Variants in CTNNA3 observed in about 807,000 individuals in gnomAD.
The protein encoded by CTNNA3 is catenin alpha-3.
Under a neutral mutation model 95.7 loss-of-function variants are expected in CTNNA3, and 76 were observed. The observed-to-expected ratio is 0.79, with a 90% CI of 0.66 to 0.96. The LOEUF is 0.96. CTNNA3 is among the 40% of genes least tolerant of loss of function. CTNNA3 has a pLI of 0.00. For missense variants in CTNNA3, 1,191 were observed against 1,089.8 expected (o/e 1.09, Z -1.31); for synonymous variants, 431 against 374.4 (o/e 1.15, Z -1.74).
In CTNNA3 at chr10:67,188,978, G is replaced by A. The variant is rs1030102586; in HGVS notation, c.844-8458C>T. Among the ~76,000 whole-genome samples, 22 of 152,040 alleles carry A rather than the reference G, an allele frequency of 1.4e-4. No homozygotes were observed. The South Asian group carries it at 1.7e-3, about 12-fold the overall frequency. On this transcript the variant is annotated intron_variant, in intron 6 of 17. Coordinates refer to ENST00000433211, the MANE Select transcript of CTNNA3 (RefSeq NM_013266.4). ...CAAAACATACAAAAATTAGCCAGGC[G>A]TGGTGGCGCATGCCTGTAGTTCCAG...
intron 11 of CTNNA3, among the ~76,000 whole-genome samples, chr10:66,466,350 A>ACACACG (rs1186324770): frequency 2.7e-5 from 4 of 149,900 alleles, no homozygotes; most frequent in Admixed American, 2.7e-4. Flanking sequence ...ACACACACAC[A>ACACACG]CACACACACA....
rs369033938 is a variant in CTNNA3 at position 66,379,256 on chromosome 10, C to T, written c.1628G>A (p.Arg543Gln). 60 of 1,613,998 alleles carry T rather than the reference C, an allele frequency of 3.7e-5. No individual in the cohort carries two copies. The highest frequency in any genetic ancestry group is 1.6e-4 in the African/African-American group (12 of 74,934). ...LDRAAGAIRGRAARVAHIVTG... is the reference protein window; with the variant it reads ...LDRAAGAIRGQAARVAHIVTG... ...GACGATGTGAGCAACTCTTGCTGCC[C>T]GGCCTCTGATAGCACCCGCAGCACG... Residue 543 changes from arginine (R) to glutamine (Q), a missense_variant, in exon 12 of 18, where the codon CGG becomes CAG. Coordinates refer to ENST00000433211, the MANE Select transcript of CTNNA3 (RefSeq NM_013266.4).
intron 11 of CTNNA3, among the ~76,000 whole-genome samples, chr10:66,466,420 C>G (rs1427305768): frequency 6.6e-6 from 1 of 151,464 alleles, no homozygotes; most frequent in African/African-American, 2.4e-5. Context: ...AATATACTTT[C>G]ATCCCTGCAA....
intron 10 of CTNNA3, among the ~76,000 whole-genome samples, chr10:66,552,319 G>T (rs914987908): frequency 1.3e-5 from 2 of 152,244 alleles, no homozygotes; most frequent in South Asian, 2.1e-4. Flanking sequence ...TTGTATTGGA[G>T]TTTTAGCCAA....
chr10:66,930,220 G>C (rs1847298117), intron 7 of CTNNA3, among the ~76,000 whole-genome samples: 1 of 152,118 alleles, frequency 6.6e-6, no homozygotes, highest in African/African-American at 2.4e-5. Flanking sequence ...CTTTGATATT[G>C]ATTAAATCTT....
intron 1 of CTNNA3, among the ~76,000 whole-genome samples, chr10:67,692,763 T>G (rs1473409732): frequency 1.5e-5 from 2 of 133,260 alleles, no homozygotes; most frequent in Admixed American, 7.2e-5. Context: ...AAAAAAGTCT[T>G]GCTACAAAGT....
chr10:66,323,939 G>C (rs1047050634), intron 12 of CTNNA3, among the ~76,000 whole-genome samples: 1 of 151,976 alleles, frequency 6.6e-6, no homozygotes, highest in Non-Finnish European at 1.5e-5. Context: ...GGTCAGAGAG[G>C]AGTTTAGTGG....
intron 13 of CTNNA3, among the ~76,000 whole-genome samples, chr10:66,258,867 T>C (rs2090890156): frequency 6.6e-6 from 1 of 152,172 alleles, no homozygotes; most frequent in African/African-American, 2.4e-5. Context: ...CAATAAAACA[T>C]GTTCCACTTC....
chr10:66,074,551 C>T (rs1266531909), intron 14 of CTNNA3, among the ~76,000 whole-genome samples: 1 of 151,820 alleles, frequency 6.6e-6, no homozygotes, highest in Non-Finnish European at 1.5e-5. Context: ...CTCATCTTCC[C>T]TTCCCCCAAT....
chr10:66,581,655 C>G (rs947082021), intron 10 of CTNNA3, among the ~76,000 whole-genome samples: 1 of 151,244 alleles, frequency 6.6e-6, no homozygotes, highest in African/African-American at 2.4e-5. Context: ...TAGTTTGAGT[C>G]CTATTCATTA....
At chr10:66,782,445 C>T (rs2132849581) in intron 7 of CTNNA3, among the ~76,000 whole-genome samples, 1 of 152,192 alleles carries the variant, frequency 6.6e-6, no homozygotes, top group Non-Finnish European at 1.5e-5. Context: ...AGACTCAGCT[C>T]AATTGTCTCA....
intron 9 of CTNNA3, among the ~76,000 whole-genome samples, chr10:66,733,266 T>C (rs1337133495): frequency 1.3e-5 from 2 of 152,110 alleles, no homozygotes; most frequent in Non-Finnish European, 2.9e-5. Context: ...TTTAACTCTC[T>C]TGTGTGTAGT....
At chr10:66,442,854 G>A (rs2093385516) in intron 11 of CTNNA3, among the ~76,000 whole-genome samples, 1 of 152,328 alleles carries the variant, frequency 6.6e-6, no homozygotes, top group Admixed American at 6.5e-5. Flanking sequence ...AAAGCAGGGT[G>A]AGGCACTGCC....
At chr10:66,386,770 C>T (rs1477280130) in intron 11 of CTNNA3, among the ~76,000 whole-genome samples, 4 of 152,120 alleles carry the variant, frequency 2.6e-5, no homozygotes, top group African/African-American at 7.2e-5. Context: ...TGGAACAGAA[C>T]AGAGGCTCAG....
intron 9 of CTNNA3, among the ~76,000 whole-genome samples, chr10:66,748,460 T>C (rs1158765883): frequency 6.6e-6 from 1 of 152,210 alleles, no homozygotes; most frequent in Non-Finnish European, 1.5e-5. Context: ...CTGACAGATG[T>C]ACTGCAGCTC....
At chr10:67,256,384 T>G (rs971306399) in intron 5 of CTNNA3, among the ~76,000 whole-genome samples, 3 of 152,204 alleles carry the variant, frequency 2.0e-5, no homozygotes, top group African/African-American at 7.2e-5. Flanking sequence ...CCGAATGCCT[T>G]CTTTTGATCT....
intron 7 of CTNNA3, among the ~76,000 whole-genome samples, chr10:66,931,192 TA>T (rs3056552): frequency 0.16 from 18,363 of 118,428 alleles, 1,319 homozygotes; most frequent in East Asian, 0.32. Flanking sequence ...TGACAACAGT[TA>T]AAAAAAAAAA....
At chr10:66,862,615 G>A (rs1278177248) in intron 7 of CTNNA3, among the ~76,000 whole-genome samples, 1 of 152,040 alleles carries the variant, frequency 6.6e-6, no homozygotes, top group Non-Finnish European at 1.5e-5. Context: ...AAGTGTGCTG[G>A]GAAAAAATGA....
intron 7 of CTNNA3, among the ~76,000 whole-genome samples, chr10:67,018,935 T>C (rs1168838933): frequency 6.6e-6 from 1 of 152,204 alleles, no homozygotes; most frequent in Non-Finnish European, 1.5e-5. Context: ...AGGGAAACTA[T>C]TAAGACAAAC....
Sources: gnomAD v4.1 joint callset for allele counts (sites outside exome capture counted in the v4.1 genomes callset) on GRCh38, gnomAD v4.1.1 for gene constraint, MANE v1.5 for transcripts, NCBI Gene and HGNC (gene_info 2026-07-23, HGNC 2026-07-21) for gene names.